TTC39B: variants seen among roughly 807,000 people sequenced by gnomAD.
TTC39B encodes tetratricopeptide repeat domain 39B.
In TTC39B, 92 loss-of-function variants were observed where a neutral mutation model predicts 96.6. The ratio of observed to expected loss-of-function variants is 0.95; its 90% CI spans 0.80 to 1.13. TTC39B has a LOEUF of 1.13. TTC39B is among the 50% of genes most tolerant of loss of function. TTC39B has a pLI of 0.00. For missense variants in TTC39B, 955 were observed against 809.3 expected (o/e 1.18, Z -2.18); for synonymous variants, 367 against 299.4 (o/e 1.23, Z -2.33).
intron 8 of TTC39B, among the ~76,000 whole-genome samples, chr9:15,195,964 T>C (rs1316579783): frequency 2.6e-5 from 4 of 152,326 alleles, no homozygotes; most frequent in East Asian, 1.9e-4. Context: ...TCACTTACCA[T>C]TCCAAATATC....
chr9:15,256,684 G>A (rs190044102), intron 2 of TTC39B, among the ~76,000 whole-genome samples: 19 of 152,268 alleles, frequency 1.2e-4, no homozygotes, highest in African/African-American at 2.6e-4. Flanking sequence ...AAAGTGGGAG[G>A]ACACGCCAGC....
intron 2 of TTC39B, among the ~76,000 whole-genome samples, chr9:15,265,955 G>A (rs180940857): frequency 6.6e-6 from 1 of 152,210 alleles, no homozygotes; most frequent in African/African-American, 2.4e-5. Context: ...GCCAAGAGGA[G>A]CCTAAGGGGA....
At chr9:15,182,564 A>G (rs1818305068) in intron 16 of TTC39B, 149 bp from the exon 17 acceptor site, 4 of 503,926 alleles carry the variant, frequency 7.9e-6, no homozygotes, top group Middle Eastern at 5.3e-4. Context: ...TTTGCCTTTT[A>G]TACTGTGAAG....
chr9:15,183,943 T>C (rs1403541738), intron 16 of TTC39B, among the ~76,000 whole-genome samples: 1 of 152,190 alleles, frequency 6.6e-6, no homozygotes, highest in African/African-American at 2.4e-5. Flanking sequence ...AGGAAACACC[T>C]GGACCTAGGT....
intron 1 of TTC39B, among the ~76,000 whole-genome samples, chr9:15,304,558 T>C (rs182130888): frequency 6.6e-6 from 1 of 152,196 alleles, no homozygotes; most frequent in African/African-American, 2.4e-5. Context: ...TGGGAGCTTC[T>C]CTACCATTAT....
Position 15,188,020 on chromosome 9 carries a change from T to C in TTC39B, c.1346A>G (p.Gln449Arg), listed in dbSNP as rs150371121. 4.2e-5 allele frequency: 67 copies of C among 1,612,948 alleles called. No homozygotes were observed. In the East Asian group the frequency reaches 1.3e-3, roughly 32 times the overall value. ...AAGCAGATCTGAATAGTAATATGCCTGCATCCAGTTTTGTTGGAAAACATT... is the reference window on the plus strand; with the variant it reads ...AAGCAGATCTGAATAGTAATATGCCCGCATCCAGTTTTGTTGGAAAACATT... The change falls in exon 14 of 20, where the codon CAG (glutamine) becomes CGG (arginine). Residue 449 changes from glutamine to arginine, a missense_variant. Transcript: ENST00000512701.
chr9:15,225,603 G>T (rs913882890), intron 3 of TTC39B, among the ~76,000 whole-genome samples: 1 of 152,044 alleles, frequency 6.6e-6, no homozygotes, highest in African/African-American at 2.4e-5. Context: ...ATGTTTGGCA[G>T]TGTGATTTAT....
chr9:15,291,032 G>A (rs555127263), intron 1 of TTC39B, among the ~76,000 whole-genome samples: 30 of 152,146 alleles, frequency 2.0e-4, no homozygotes, highest in Non-Finnish European at 3.5e-4. Context: ...GGATTACCGA[G>A]GTAAAGTCTC....
At position 15,225,875 on chromosome 9, in the gene TTC39B, T is replaced by C. The variant is rs750297089; in HGVS notation, c.371+42A>G. On this transcript the variant is annotated intron_variant, in intron 3 of 19. Coordinates refer to ENST00000512701, the Ensembl canonical transcript of TTC39B. ...TTATATTCCTTCAAGGGTGGGACTG[T>C]CCTCCCCTCTTCCCCCAGGAATGCC... is the stretch of plus-strand genomic sequence containing the variant. 1.1e-5 allele frequency: 17 copies of C among 1,565,416 alleles called. No homozygotes were observed. The Admixed American group carries it at 2.7e-4, about 25-fold the overall frequency.
intron 1 of TTC39B, among the ~76,000 whole-genome samples, chr9:15,299,487 G>A (rs756154666): frequency 8.5e-5 from 13 of 152,062 alleles, no homozygotes; most frequent in South Asian, 2.1e-4. Context: ...GGGTATAAAC[G>A]GACTTGGTGC....
At chr9:15,258,981 G>A (rs369597638) in intron 2 of TTC39B, among the ~76,000 whole-genome samples, 7 of 152,052 alleles carry the variant, frequency 4.6e-5, no homozygotes, top group African/African-American at 1.7e-4. Context: ...CTTCACAGTG[G>A]CAGGTCTAAA....
chr9:15,175,568 A>G (rs955992139), intron 18 of TTC39B, among the ~76,000 whole-genome samples: 1 of 152,232 alleles, frequency 6.6e-6, no homozygotes, highest in Non-Finnish European at 1.5e-5. Flanking sequence ...GAAATGGTCA[A>G]CACTTCTGTT....
At chr9:15,228,328 G>A (rs1350281952) in intron 2 of TTC39B, among the ~76,000 whole-genome samples, 1 of 152,128 alleles carries the variant, frequency 6.6e-6, no homozygotes, top group Non-Finnish European at 1.5e-5. Context: ...GCCAGGCGTG[G>A]TGGTGGGTGC....
intron 1 of TTC39B, among the ~76,000 whole-genome samples, chr9:15,304,854 C>T (rs1457932059): frequency 1.3e-5 from 2 of 152,114 alleles, no homozygotes; most frequent in Non-Finnish European, 2.9e-5. Flanking sequence ...CAGGCTAGTA[C>T]AGGGCTTGGC....
intron 1 of TTC39B, among the ~76,000 whole-genome samples, chr9:15,268,357 A>G (rs1187348789): frequency 6.6e-6 from 1 of 152,042 alleles, no homozygotes; most frequent in East Asian, 1.9e-4. Flanking sequence ...TTCATTTCAC[A>G]TATTGCACCA....
chr9:15,255,429 C>T (rs1262733974), intron 2 of TTC39B, among the ~76,000 whole-genome samples: 1 of 151,904 alleles, frequency 6.6e-6, no homozygotes, highest in Non-Finnish European at 1.5e-5. Flanking sequence ...AGAAAGGAGA[C>T]CAGAGAGGCT....
chr9:15,200,955 C>T (rs111292572), intron 7 of TTC39B, among the ~76,000 whole-genome samples: 39 of 152,148 alleles, frequency 2.6e-4, no homozygotes, highest in Admixed American at 2.0e-3. Context: ...GCCAAGATCG[C>T]GCCACTGCAC....
intron 14 of TTC39B, among the ~76,000 whole-genome samples, chr9:15,187,265 G>A (rs1192886066): frequency 6.6e-6 from 1 of 152,172 alleles, no homozygotes; most frequent in East Asian, 1.9e-4. Flanking sequence ...AGGTGAGAAA[G>A]TGGACAGAAT....
At chr9:15,289,694 C>G (rs1166877970) in intron 1 of TTC39B, among the ~76,000 whole-genome samples, 1 of 152,104 alleles carries the variant, frequency 6.6e-6, no homozygotes, top group East Asian at 1.9e-4. Context: ...ATTCTTTGTC[C>G]TACTTGAGAC....
Sources: gnomAD v4.1 joint callset for allele counts (sites outside exome capture counted in the v4.1 genomes callset) on GRCh38, gnomAD v4.1.1 for gene constraint, MANE v1.5 for transcripts, NCBI Gene and HGNC (gene_info 2026-07-23, HGNC 2026-07-21) for gene names.